Variants in AP4S1 observed in about 807,000 individuals in gnomAD.
AP4S1 encodes adaptor related protein complex 4 subunit sigma 1, also known as AP-4 complex subunit sigma-1.
Under a neutral mutation model 19.8 loss-of-function variants are expected in AP4S1, and 23 were observed. The observed-to-expected ratio is 1.16, with a 90% CI of 0.84 to 1.65. The LOEUF is 1.65. AP4S1 is among the 40% of genes most tolerant of loss of function. The pLI is 0.00. For missense variants in AP4S1, 166 were observed against 172.8 expected (o/e 0.96, Z 0.22); for synonymous variants, 46 against 54.1 (o/e 0.85, Z 0.66).
chr14:31,037,974 A>G (rs1486625483), intron 1 of AP4S1, among the ~76,000 whole-genome samples: 1 of 152,192 alleles, frequency 6.6e-6, no homozygotes, highest in African/African-American at 2.4e-5. Context: ...AGCAAAATTC[A>G]TATTTAGCAA....
chr14:31,089,273 C>G (rs1888012068), intron 5 of AP4S1, among the ~76,000 whole-genome samples: 1 of 151,758 alleles, frequency 6.6e-6, no homozygotes, highest in East Asian at 1.9e-4. Context: ...GTAGTATTTT[C>G]TGGGGGAAAT....
chr14:31,032,272 C>A, intron 1 of AP4S1, among the ~76,000 whole-genome samples: 1 of 152,056 alleles, frequency 6.6e-6, no homozygotes, highest in Non-Finnish European at 1.5e-5. Context: ...TTGAAACTTC[C>A]TAAATAGGGT....
intron 1 of AP4S1, among the ~76,000 whole-genome samples, chr14:31,053,175 A>G (rs1885903561): frequency 6.6e-6 from 1 of 152,156 alleles, no homozygotes; most frequent in Non-Finnish European, 1.5e-5. Flanking sequence ...ACCAGATCCC[A>G]GGTGATCCAC....
intron 1 of AP4S1, among the ~76,000 whole-genome samples, chr14:31,041,607 C>T (rs1885115106): frequency 6.6e-6 from 1 of 152,162 alleles, no homozygotes; most frequent in South Asian, 2.1e-4. Flanking sequence ...CTGGGAGCAT[C>T]CCAGGCACAA....
At chr14:31,078,293 G>A (rs1000799923) in intron 4 of AP4S1, among the ~76,000 whole-genome samples, 2 of 152,210 alleles carry the variant, frequency 1.3e-5, no homozygotes, top group Non-Finnish European at 2.9e-5. Flanking sequence ...GGAATGTTCT[G>A]TACCTGTGCC....
intron 1 of AP4S1, among the ~76,000 whole-genome samples, chr14:31,064,641 C>T (rs1422837120): frequency 6.6e-6 from 1 of 151,804 alleles, no homozygotes; most frequent in East Asian, 1.9e-4. Context: ...TATTTCTAAA[C>T]TTTAACCTGC....
chr14:31,055,776 A>G (rs1373703106), intron 1 of AP4S1, among the ~76,000 whole-genome samples: 1 of 151,860 alleles, frequency 6.6e-6, no homozygotes, highest in Non-Finnish European at 1.5e-5. Context: ...CATAAAAAGC[A>G]TTTAGAGCTA....
At chr14:31,088,320 C>T (rs979229479) in intron 5 of AP4S1, among the ~76,000 whole-genome samples, 2 of 152,062 alleles carry the variant, frequency 1.3e-5, no homozygotes, top group Non-Finnish European at 2.9e-5. Context: ...CTGTTTTAGT[C>T]AGGAATAGTG....
At chr14:31,054,621 G>A (rs961747756) in intron 1 of AP4S1, among the ~76,000 whole-genome samples, 3 of 152,014 alleles carry the variant, frequency 2.0e-5, no homozygotes, top group East Asian at 1.9e-4. Context: ...GGGTTTAGGC[G>A]GAGGTTGCAG....
intron 1 of AP4S1, 128 bp from the exon 2 acceptor site, chr14:31,065,998 A>T: frequency 1.9e-6 from 1 of 528,018 alleles, no homozygotes; most frequent in Non-Finnish European, 3.3e-6. Context: ...GTTCATAGGA[A>T]TAAAGACTGA....
rs76995184 is a variant in AP4S1 at position 31,043,310 on chromosome 14, C to G, written c.-72+17523C>G. 3.1e-3 allele frequency among the ~76,000 whole-genome samples: 477 copies of G among 151,744 alleles called. 1 individual carries two copies. The highest frequency in any genetic ancestry group is 0.011 in the African/African-American group (448 of 41,414). ...TGGCTGAAATATTTGTTGAGTGACT[C>G]AAGACTTTAACAGAAAAAAGAAAAA... On this transcript the variant is annotated intron_variant, in intron 1 of 5. Coordinates refer to ENST00000542754, the MANE Select transcript of AP4S1 (RefSeq NM_001128126.3).
At chr14:31,061,374 G>A (rs1391659912) in intron 1 of AP4S1, among the ~76,000 whole-genome samples, 3 of 152,156 alleles carry the variant, frequency 2.0e-5, no homozygotes, top group African/African-American at 7.2e-5. Context: ...GATAATTAAT[G>A]TTTTGTGCTC....
At chr14:31,059,577 G>T (rs1886310817) in intron 1 of AP4S1, among the ~76,000 whole-genome samples, 1 of 152,148 alleles carries the variant, frequency 6.6e-6, no homozygotes, top group African/African-American at 2.4e-5. Flanking sequence ...TGGAGTAAAA[G>T]AAAGGATGGT....
chr14:31,072,804 G>A (rs1223124254), intron 3 of AP4S1, 101 bp from the exon 4 acceptor site: 1 of 930,504 alleles, frequency 1.1e-6, no homozygotes, highest in Non-Finnish European at 1.8e-6. Context: ...GGTTCACTAA[G>A]CCACATGCTC....
intron 1 of AP4S1, among the ~76,000 whole-genome samples, chr14:31,029,061 A>G (rs1399906621): frequency 1.3e-5 from 2 of 152,118 alleles, no homozygotes; most frequent in Non-Finnish European, 2.9e-5. Context: ...CTCTACTTCT[A>G]TTATCTACCT....
intron 5 of AP4S1, chr14:31,085,419 T>C (rs930935350): frequency 1.0e-6 from 1 of 987,182 alleles, no homozygotes; most frequent in African/African-American, 1.7e-5. Flanking sequence ...GAGGCACAAA[T>C]ATAGGCTAGA....
intron 1 of AP4S1, among the ~76,000 whole-genome samples, chr14:31,056,422 G>A (rs184852459): frequency 4.0e-5 from 6 of 151,584 alleles, no homozygotes; most frequent in East Asian, 2.0e-4. Flanking sequence ...GCAGTGGCGC[G>A]ATCTCAGCTC....
At chr14:31,039,204 G>T (rs999895463) in intron 1 of AP4S1, among the ~76,000 whole-genome samples, 33 of 150,720 alleles carry the variant, frequency 2.2e-4, no homozygotes, top group Non-Finnish European at 4.6e-4. Flanking sequence ...CTTTTTTTTT[G>T]AGATGGAGTC....
chr14:31,042,601 A>G (rs1391493603), intron 1 of AP4S1, among the ~76,000 whole-genome samples: 1 of 152,178 alleles, frequency 6.6e-6, no homozygotes, highest in Non-Finnish European at 1.5e-5. Flanking sequence ...GTAATGGTCT[A>G]TATATAGTAT....
Sources: gnomAD v4.1 joint callset for allele counts (sites outside exome capture counted in the v4.1 genomes callset) on GRCh38, gnomAD v4.1.1 for gene constraint, MANE v1.5 for transcripts, NCBI Gene and HGNC (gene_info 2026-07-23, HGNC 2026-07-21) for gene names.